Variants in PRKAG3 observed in about 807,000 individuals in gnomAD.
The protein encoded by PRKAG3 is protein kinase AMP-activated non-catalytic subunit gamma 3.
A neutral mutation model predicts 56.5 loss-of-function variants in PRKAG3; 39 were observed. That is an observed-to-expected ratio of 0.69 (90% CI 0.53 to 0.90). The LOEUF (loss-of-function observed/expected upper bound fraction) is 0.90. Among genes scored for constraint, PRKAG3 ranks in the 40% least tolerant of loss-of-function variants. The probability of loss-of-function intolerance (pLI) is 0.00; values close to 1 mark genes in which losing one functional copy is unlikely to be tolerated. For synonymous variants in PRKAG3, 243 were observed against 250.1 expected, an observed-to-expected ratio of 0.97 and a Z score of 0.27; for missense variants, 628 against 627.5, an observed-to-expected ratio of 1.00 and a Z score of -0.01.
chr2:218,828,627 G>C, intron 4 of PRKAG3, 27 bp from the exon 5 acceptor site: 1 of 1,599,268 alleles, frequency 6.3e-7, no homozygotes, highest in African/African-American at 1.3e-5. Context: ...AACAGTCAAG[G>C]GTGGGTCCCG....
chr2:218,824,068 T>C (rs941373872), intron 12 of PRKAG3, among the ~76,000 whole-genome samples, 154 bp downstream of exon 12: 2 of 152,098 alleles, frequency 1.3e-5, no homozygotes, highest in African/African-American at 2.4e-5. Flanking sequence ...AAGGGCCCCA[T>C]GGACAGGACC....
intron 3 of PRKAG3, among the ~76,000 whole-genome samples, 159 bp from the exon 4 acceptor site, chr2:218,830,540 T>C (rs1275018666): frequency 1.3e-5 from 2 of 152,244 alleles, no homozygotes; most frequent in Non-Finnish European, 2.9e-5. Flanking sequence ...AGGTAGTGGC[T>C]CTGTCCCATC....
exon 10 of PRKAG3, chr2:218,826,964 G>A (rs376397046): frequency 8.1e-6 from 13 of 1,614,002 alleles, no homozygotes; most frequent in Admixed American, 1.7e-5. Flanking sequence ...GACACACGCC[G>A]GTCCACAAAG....
downstream of PRKAG3, chr2:218,822,838 A>C: frequency 1.0e-6 from 1 of 961,112 alleles, no homozygotes; most frequent in Middle Eastern, 5.4e-4. Flanking sequence ...CCAGAAACCG[A>C]GGAATCCAGA....
chr2:218,826,517 T>C (rs1382558925), intron 10 of PRKAG3: 4 of 275,176 alleles, frequency 1.5e-5, no homozygotes, highest in Non-Finnish European at 2.9e-5. Context: ...AGTGTCACTG[T>C]ATGTAAACTC....
chr2:218,831,337 T>C (rs1186046412), exon 2 of PRKAG3: 4 of 1,597,280 alleles, frequency 2.5e-6, no homozygotes, highest in South Asian at 1.1e-5. Flanking sequence ...TCTCCCTACC[T>C]TGATGCTCAG....
intron 11 of PRKAG3, 51 bp from the exon 12 acceptor site, chr2:218,824,419 C>CT: frequency 6.2e-7 from 1 of 1,613,776 alleles, no homozygotes; most frequent in South Asian, 1.1e-5. Context: ...GCCTGGGCTC[C>CT]TACCCTACAG....
In PRKAG3 at chr2:218,827,936, G is replaced by A. The variant is rs1276416310; in HGVS notation, c.775-58C>T. The A allele has an allele frequency of 1.4e-5, 23 of 1,609,814 alleles. No homozygotes were observed. Among genetic ancestry groups the A allele is most frequent in the Non-Finnish European group, 1.9e-5 (22 of 1,177,348 alleles). On this transcript the variant is annotated intron_variant, in intron 6 of 12. Transcript: ENST00000529249. The surrounding 1 kb of genome is among the most constrained non-coding windows in gnomAD (Gnocchi z 5.3). ...AAGACGTGGGCTTCTAGGGCACCAG[G>A]CTCCAGGAGGACTCCCCTCCGCCCC...
At position 218,828,684 on chromosome 2, in the gene PRKAG3, T is replaced by C. The variant is rs549036063; in HGVS notation, c.634-84A>G. 1.2e-3 allele frequency: 1,428 copies of C among 1,210,714 alleles called. 31 individuals carry two copies. The South Asian group carries it at 0.019, about 16-fold the overall frequency. 75.0% of individuals were successfully genotyped at this position (1,210,714 alleles called of 1,614,324 possible). On this transcript the variant is annotated intron_variant, in intron 4 of 12. Coordinates refer to ENST00000529249, the Ensembl canonical transcript of PRKAG3. The stretch of plus-strand genomic sequence containing the variant: ...TGCCCCTCAGTGCGCACCTCCCATC[T>C]GCCTGCTGTCCCCTCCCTGTCCCAC...
At chr2:218,830,598 C>T in intron 3 of PRKAG3, 148 bp downstream of exon 3, 1 of 1,179,146 alleles carries the variant, frequency 8.5e-7, no homozygotes, top group South Asian at 1.6e-5. Flanking sequence ...GCCTTGTTCT[C>T]TACTATGTAG....
chr2:218,831,762 G>C, exon 1 of PRKAG3: 1 of 1,610,330 alleles, frequency 6.2e-7, no homozygotes, highest in South Asian at 1.1e-5. Flanking sequence ...GCTCCAGCCC[G>C]GGCTCCATGT....
intron 2 of PRKAG3, 41 bp from the exon 3 acceptor site, chr2:218,830,942 T>G (rs758547523): frequency 1.3e-6 from 2 of 1,592,010 alleles, no homozygotes; most frequent in Non-Finnish European, 1.7e-6. Flanking sequence ...TAGGGAGTAA[T>G]GCATCAAAAT....
In PRKAG3 at chr2:218,823,710, T is replaced by C; in HGVS notation, c.*52A>G. On this transcript the variant is annotated 3_prime_UTR_variant, in exon 13 of 13. Transcript: ENST00000529249. Reference sequence around the variant, plus strand: ...ATGAAGGCTGAGTTCTCCAGTTCCCTTCATTGGCTTCCAGGTGTGCAGGTG... The same window carrying C: ...ATGAAGGCTGAGTTCTCCAGTTCCCCTCATTGGCTTCCAGGTGTGCAGGTG... 3.1e-6 allele frequency: 5 copies of C among 1,611,894 alleles called. No individual in the cohort carries two copies. The Admixed American group carries it at 8.3e-5, about 27-fold the overall frequency.
Position 218,828,067 on chromosome 2 carries a change from A to AG in PRKAG3, c.716-6dup, listed in dbSNP as rs5838710. 1 allele frequency: 1,556,341 copies of AG among 1,556,352 alleles called. 778,165 individuals are homozygous for AG. The highest frequency in any genetic ancestry group is 1 in the Middle Eastern group (5,950 of 5,950). ...AGTCAGTGATGGTCAGCATCCCTGC[A>AG]GGGAGGGGCGGGGAGGAGGTCAGCC... On this transcript the variant is annotated splice_polypyrimidine_tract_variant and splice_region_variant and intron_variant, in intron 5 of 12. Coordinates refer to ENST00000529249, the Ensembl canonical transcript of PRKAG3.
chr2:218,831,504 A>C, intron 1 of PRKAG3, 129 bp from the exon 2 acceptor site: 1 of 1,001,720 alleles, frequency 1.0e-6, no homozygotes, highest in Non-Finnish European at 1.5e-6. Context: ...ATACACAGAC[A>C]TGCAGCCATA....
chr2:218,831,236 A>C, intron 2 of PRKAG3, 100 bp downstream of exon 2: 1 of 922,374 alleles, frequency 1.1e-6, no homozygotes, highest in Non-Finnish European at 1.6e-6. Context: ...AAAAGGAGGA[A>C]GATAAAAGCC....
intron 4 of PRKAG3, among the ~76,000 whole-genome samples, 170 bp downstream of exon 4, chr2:218,829,808 G>T (rs547804443): frequency 6.6e-5 from 10 of 152,330 alleles, no homozygotes; most frequent in African/African-American, 2.4e-4. Context: ...TGCTAACAGA[G>T]AGTAGAAGCT....
chr2:218,827,142 G>A lies in PRKAG3; in HGVS notation c.1003-49C>T. ...GAGATCAGGGATCCAGCAGCTTCAA[G>A]AGGGCTCCCAGCTCTTCCCCACGAC... On this transcript the variant is annotated intron_variant, in intron 9 of 12. Transcript: ENST00000529249. The surrounding 1 kb of genome is among the most constrained non-coding windows in gnomAD (Gnocchi z 5.3). 1 of 1,612,764 alleles carries A rather than the reference G, an allele frequency of 6.2e-7. No individual in the cohort carries two copies. The highest frequency in any genetic ancestry group is 1.1e-5 in the South Asian group (1 of 90,996).
chr2:218,823,706 TC>T, exon 13 of PRKAG3: 3 of 1,611,548 alleles, frequency 1.9e-6, no homozygotes, highest in Non-Finnish European at 2.5e-6. Flanking sequence ...GTTCTCCAGT[TC>T]CCTTCATTGG....
Sources: gnomAD v4.1 joint callset for allele counts (sites outside exome capture counted in the v4.1 genomes callset) on GRCh38, gnomAD v4.1.1 for gene constraint, Gnocchi (gnomAD v3.1) non-coding constraint, MANE v1.5 for transcripts, NCBI Gene and HGNC (gene_info 2026-07-23, HGNC 2026-07-21) for gene names.